Variants in EML6 observed in about 807,000 individuals in gnomAD.
The protein encoded by EML6 is echinoderm microtubule-associated protein-like 6.
EML6 carries 154 observed loss-of-function variants against 240.1 expected under a neutral mutation model. That is an observed-to-expected ratio of 0.64 (90% CI 0.56 to 0.73). The LOEUF is 0.73. Ranked by LOEUF, EML6 falls within the 30% of genes least tolerant of loss-of-function variation. The probability of loss-of-function intolerance (pLI) is 0.00; values close to 1 mark genes in which losing one functional copy is unlikely to be tolerated. For synonymous variants in EML6, 1,148 were observed against 899.0 expected (o/e 1.28, Z -4.95); for missense variants, 2,964 against 2,474.6 (o/e 1.20, Z -4.20).
chr2:54,968,827 T>C, intron 41 of EML6, 59 bp downstream of exon 41: 1 of 915,526 alleles, frequency 1.1e-6, no homozygotes, highest in Non-Finnish European at 1.7e-6. Flanking sequence ...TCCCTCCCCA[T>C]CTCAGGCATC....
intron 7 of EML6, among the ~76,000 whole-genome samples, chr2:54,842,814 C>A (rs17046412): frequency 0.11 from 16,891 of 152,142 alleles, 1,168 homozygotes; most frequent in East Asian, 0.2. Flanking sequence ...CTGAGAGGGA[C>A]GTGTGGACTT....
chr2:54,726,515 A>G (rs1214736120), intron 2 of EML6, among the ~76,000 whole-genome samples: 1 of 152,068 alleles, frequency 6.6e-6, no homozygotes, highest in East Asian at 1.9e-4. Flanking sequence ...CAAACTACAG[A>G]TTTTAAAAAA....
chr2:54,767,524 C>A (rs1390505392), intron 2 of EML6, among the ~76,000 whole-genome samples: 1 of 151,302 alleles, frequency 6.6e-6, no homozygotes, highest in Non-Finnish European at 1.5e-5. Flanking sequence ...ATGTCTATTG[C>A]AATTTAGTTC....
chr2:54,732,643 T>A (rs1572833623), intron 2 of EML6, among the ~76,000 whole-genome samples: 2 of 152,328 alleles, frequency 1.3e-5, no homozygotes, highest in East Asian at 3.9e-4. Context: ...TGCTGAATGT[T>A]TGGGGATCCA....
chr2:54,924,059 T>C (rs892096158), intron 26 of EML6, among the ~76,000 whole-genome samples: 2 of 152,254 alleles, frequency 1.3e-5, no homozygotes, highest in African/African-American at 2.4e-5. Flanking sequence ...TTTTTGGTTA[T>C]AGTAAAGCTG....
At chr2:54,836,636 C>G (rs1204314596) in intron 7 of EML6, among the ~76,000 whole-genome samples, 4 of 152,130 alleles carry the variant, frequency 2.6e-5, no homozygotes, top group Non-Finnish European at 4.4e-5. Context: ...ATTTAATCCT[C>G]AAACTCCCCT....
In EML6 at chr2:54,958,014, T is replaced by C. The variant is rs1676313513; in HGVS notation, c.4695+16T>C. 1 of 1,541,604 alleles carries C rather than the reference T, an allele frequency of 6.5e-7. No individual in the cohort carries two copies. Among genetic ancestry groups the C allele is most frequent in the Non-Finnish European group, 8.8e-7 (1 of 1,140,088 alleles). Reference sequence around the variant, plus strand: ...CTTCGGTGCTGTGAGTTCTAGCAGATACTCCCTGAGAAGGGGACCCAGACC... The same window carrying C: ...CTTCGGTGCTGTGAGTTCTAGCAGACACTCCCTGAGAAGGGGACCCAGACC... On this transcript the variant is annotated intron_variant, in intron 33 of 41. Transcript: ENST00000356458.
intron 2 of EML6, among the ~76,000 whole-genome samples, chr2:54,742,766 A>C (rs960523965): frequency 2.6e-4 from 40 of 152,206 alleles, no homozygotes; most frequent in African/African-American, 9.4e-4. Context: ...TCAGTAAAGC[A>C]TATAAGGAGC....
intron 10 of EML6, among the ~76,000 whole-genome samples, chr2:54,852,063 T>C (rs1287089700): frequency 6.6e-6 from 1 of 152,206 alleles, no homozygotes; most frequent in Non-Finnish European, 1.5e-5. Context: ...ATTTCAAGAT[T>C]TAAGTCTTCA....
rs987384008 is a variant in EML6, at chr2:54,725,906, C to T, written c.197+648C>T. Among the ~76,000 whole-genome samples the T allele has an allele frequency of 6.6e-6, 1 of 152,194 alleles. No homozygotes were observed. Among genetic ancestry groups the T allele is most frequent in the Non-Finnish European group, 1.5e-5 (1 of 68,032 alleles). ...TGGATCACAAAATCCTACCAGCCAG[C>T]CCACACAATGACCAACATCTGCTAG... On this transcript the variant is annotated intron_variant, in intron 2 of 41. Transcript: ENST00000356458. This position sits in a 1 kb window ranked among gnomAD's most constrained non-coding sequence, Gnocchi z 4.3.
At chr2:54,886,453 C>T (rs951665779) in intron 17 of EML6, among the ~76,000 whole-genome samples, 4 of 152,114 alleles carry the variant, frequency 2.6e-5, no homozygotes, top group South Asian at 2.1e-4. Flanking sequence ...TACAGGTGTG[C>T]GCCACCGCGT....
chr2:54,924,662 A>G (rs574098848), intron 26 of EML6, among the ~76,000 whole-genome samples: 33 of 152,144 alleles, frequency 2.2e-4, no homozygotes, highest in Non-Finnish European at 4.3e-4. Flanking sequence ...CCTGGGTTCA[A>G]GTGATTCTCC....
chr2:54,735,036 G>T (rs1295142825), intron 2 of EML6, among the ~76,000 whole-genome samples: 1 of 152,126 alleles, frequency 6.6e-6, no homozygotes, highest in South Asian at 2.1e-4. Flanking sequence ...ATCCTATTTT[G>T]TGTTTCCTCA....
intron 24 of EML6, among the ~76,000 whole-genome samples, chr2:54,904,215 G>C (rs1428700882): frequency 1.3e-5 from 2 of 152,160 alleles, no homozygotes; most frequent in Non-Finnish European, 2.9e-5. Context: ...AAGCAGTGGT[G>C]AGTCACAAGG....
At chr2:54,963,610 C>T (rs985517086) in intron 36 of EML6, among the ~76,000 whole-genome samples, 11 of 152,194 alleles carry the variant, frequency 7.2e-5, no homozygotes, top group African/African-American at 1.7e-4. Flanking sequence ...AAGGCCAGAT[C>T]GGGCCTGTGG....
At chr2:54,732,241 G>T (rs1330832676) in intron 2 of EML6, among the ~76,000 whole-genome samples, 1 of 151,670 alleles carries the variant, frequency 6.6e-6, no homozygotes, top group Non-Finnish European at 1.5e-5. Flanking sequence ...TTCCCATTCA[G>T]TGAGTTGTCC....
In EML6 at chr2:54,734,293, G is replaced by C. The variant is rs1038404727; in HGVS notation, c.197+9035G>C. On this transcript the variant is annotated intron_variant, in intron 2 of 41. Transcript: ENST00000356458. ...ACAGTGGTTGCAGTGAGCTGAGATCGCACCACTGCACTCTAGCCTGGGTGG... is the reference window on the plus strand; with the variant it reads ...ACAGTGGTTGCAGTGAGCTGAGATCCCACCACTGCACTCTAGCCTGGGTGG... Among the ~76,000 whole-genome samples, 9 of 152,304 alleles carry C rather than the reference G, an allele frequency of 5.9e-5. No homozygotes were observed. In the East Asian group the frequency reaches 1.7e-3, roughly 29 times the overall value.
At chr2:54,816,273 A>G (rs765707915) in intron 3 of EML6, among the ~76,000 whole-genome samples, 26 of 152,180 alleles carry the variant, frequency 1.7e-4, no homozygotes, top group Non-Finnish European at 3.1e-4. Flanking sequence ...GAAGTACCAG[A>G]TTACTTCTAC....
At chr2:54,892,730 A>G in intron 19 of EML6, 74 bp downstream of exon 19, 3 of 1,183,374 alleles carry the variant, frequency 2.5e-6, no homozygotes, top group Admixed American at 2.4e-5. Flanking sequence ...GGATGGCCCA[A>G]GAGGATGCCT....
Sources: gnomAD v4.1 joint callset for allele counts (sites outside exome capture counted in the v4.1 genomes callset) on GRCh38, gnomAD v4.1.1 for gene constraint, Gnocchi (gnomAD v3.1) non-coding constraint, MANE v1.5 for transcripts, NCBI Gene and HGNC (gene_info 2026-07-23, HGNC 2026-07-21) for gene names.